JAKMIP2: variants seen among roughly 807,000 people sequenced by gnomAD.
JAKMIP2 encodes the protein janus kinase and microtubule interacting protein 2.
A neutral mutation model predicts 115.0 loss-of-function variants in JAKMIP2; 25 were observed. That is an observed-to-expected ratio of 0.22 (90% CI 0.16 to 0.30). JAKMIP2 has a LOEUF of 0.30. Among genes scored for constraint, JAKMIP2 ranks in the 10% least tolerant of loss-of-function variants. The pLI, the probability that JAKMIP2 is intolerant of heterozygous loss-of-function variation, is 1.00. For missense variants in JAKMIP2, 642 were observed against 957.6 expected, an observed-to-expected ratio of 0.67 and a Z score of 4.35; for synonymous variants, 334 against 343.6, an observed-to-expected ratio of 0.97 and a Z score of 0.31.
chr5:147,723,360 T>C (rs144889816), intron 1 of JAKMIP2, among the ~76,000 whole-genome samples: 1 of 152,148 alleles, frequency 6.6e-6, no homozygotes, highest in East Asian at 1.9e-4. Context: ...TAAGAAACAT[T>C]TGTATGATTA....
chr5:147,609,986 T>C (rs114042067), intron 20 of JAKMIP2, among the ~76,000 whole-genome samples: 3,389 of 152,332 alleles, frequency 0.022, 137 homozygotes, highest in African/African-American at 0.076. Context: ...CTATGGATAC[T>C]GCATGCTTCA....
intron 1 of JAKMIP2, among the ~76,000 whole-genome samples, chr5:147,764,991 GGAGAGA>G (rs71001457): frequency 2.7e-5 from 1 of 37,166 alleles, no homozygotes; most frequent in East Asian, 6.9e-4. Flanking sequence ...AGAGAGAGAG[GGAGAGA>G]GAGAGAGAGA....
chr5:147,643,919 T>C, intron 7 of JAKMIP2, 139 bp downstream of exon 7: 1 of 555,010 alleles, frequency 1.8e-6, no homozygotes, highest in Non-Finnish European at 3.0e-6. Flanking sequence ...TGGAATACAG[T>C]CTCTAGAACA....
chr5:147,766,666 T>G (rs758187932), intron 1 of JAKMIP2, among the ~76,000 whole-genome samples: 1 of 152,202 alleles, frequency 6.6e-6, no homozygotes. Context: ...CAGCAGTACA[T>G]GCCCTGAGAG....
intron 1 of JAKMIP2, among the ~76,000 whole-genome samples, chr5:147,757,222 C>A (rs1754774370): frequency 6.6e-6 from 1 of 151,956 alleles, no homozygotes; most frequent in Admixed American, 6.6e-5. Flanking sequence ...ATAGAGGTAG[C>A]CACTGGGACC....
chr5:147,612,235 T>C, intron 20 of JAKMIP2, 71 bp downstream of exon 20: 3 of 1,040,232 alleles, frequency 2.9e-6, no homozygotes, highest in Non-Finnish European at 4.5e-6. Context: ...AGGAAGAAAA[T>C]ACAGTGAGCA....
chr5:147,705,819 T>A (rs1752539110), intron 1 of JAKMIP2, among the ~76,000 whole-genome samples: 1 of 152,196 alleles, frequency 6.6e-6, no homozygotes, highest in Non-Finnish European at 1.5e-5. Context: ...AAAACTATAG[T>A]TCTATTTTTT....
chr5:147,619,299 G>A (rs6880281), intron 18 of JAKMIP2, among the ~76,000 whole-genome samples: 7,726 of 152,086 alleles, frequency 0.051, 634 homozygotes, highest in African/African-American at 0.17. Flanking sequence ...ACTTAATTTC[G>A]TATAGGTAGA....
intron 1 of JAKMIP2, among the ~76,000 whole-genome samples, chr5:147,680,288 G>A (rs1177560842): frequency 6.6e-6 from 1 of 152,184 alleles, no homozygotes; most frequent in Non-Finnish European, 1.5e-5. Context: ...AAAGCACAGA[G>A]ATCCCTGAAG....
intron 1 of JAKMIP2, among the ~76,000 whole-genome samples, chr5:147,720,099 T>G (rs1294809237): frequency 6.6e-6 from 1 of 152,210 alleles, no homozygotes; most frequent in African/African-American, 2.4e-5. Context: ...ATTTCTCCTT[T>G]GCTTATGAAG....
intron 14 of JAKMIP2, among the ~76,000 whole-genome samples, chr5:147,631,194 T>C (rs1429631306): frequency 6.6e-6 from 1 of 152,230 alleles, no homozygotes; most frequent in Non-Finnish European, 1.5e-5. Context: ...TAATCATGGA[T>C]GCCTCTGTTT....
At chr5:147,604,828 T>C (rs1755909225) in intron 20 of JAKMIP2, among the ~76,000 whole-genome samples, 1 of 149,290 alleles carries the variant, frequency 6.7e-6, no homozygotes, top group African/African-American at 2.5e-5. Flanking sequence ...ATTATTATTA[T>C]TATTATTATT....
chr5:147,612,838 A>T (rs1257991785), intron 19 of JAKMIP2, among the ~76,000 whole-genome samples: 1 of 152,240 alleles, frequency 6.6e-6, no homozygotes, highest in Non-Finnish European at 1.5e-5. Flanking sequence ...TTGTTACCAC[A>T]TTAAAGATGG....
chr5:147,598,315 C>T (rs1437821521), intron 21 of JAKMIP2, among the ~76,000 whole-genome samples: 1 of 152,118 alleles, frequency 6.6e-6, no homozygotes, highest in East Asian at 1.9e-4. Flanking sequence ...CTGATTTGAA[C>T]AGAGCCATGT....
Position 147,601,726 on chromosome 5 carries a change from TA to T in JAKMIP2, c.*20+14del. 6.6e-7 allele frequency: 1 copy of T among 1,505,348 alleles called. No homozygotes were observed. The highest frequency in any genetic ancestry group is 2.3e-5 in the Admixed American group (1 of 43,038). 93.2% of individuals were successfully genotyped at this position (1,505,348 alleles called of 1,614,324 possible). On this transcript the variant is annotated intron_variant, in intron 21 of 21. Coordinates refer to ENST00000616793, the MANE Select transcript of JAKMIP2 (RefSeq NM_001270941.2). ...CCTCTTAGAACCACATTTTGAGAAT[TA>T]AATGGAATCTTACCTTTAAGAGGCA...
chr5:147,664,308 C>T (rs1301686488), intron 2 of JAKMIP2, among the ~76,000 whole-genome samples: 1 of 152,134 alleles, frequency 6.6e-6, no homozygotes, highest in African/African-American at 2.4e-5. Flanking sequence ...TGCTCAAAAC[C>T]ACCCAGGCTC....
At chr5:147,609,598 G>A (rs1334530123) in intron 20 of JAKMIP2, among the ~76,000 whole-genome samples, 2 of 152,262 alleles carry the variant, frequency 1.3e-5, no homozygotes, top group African/African-American at 4.8e-5. Flanking sequence ...CTCTCTGGCT[G>A]TGCTTAACAT....
At chr5:147,738,143 G>A (rs1370084822) in intron 1 of JAKMIP2, among the ~76,000 whole-genome samples, 2 of 152,116 alleles carry the variant, frequency 1.3e-5, no homozygotes, top group East Asian at 1.9e-4. Flanking sequence ...TACACAGCAC[G>A]AAGCAAAGAG....
At position 147,636,946 on chromosome 5, in the gene JAKMIP2, C is replaced by G; in HGVS notation, c.1614+19G>C. 1.1e-6 allele frequency: 1 copy of G among 872,846 alleles called. No homozygotes were observed. Among genetic ancestry groups the G allele is most frequent in the Admixed American group, 1.7e-5 (1 of 59,178 alleles). The allele number at this position is 872,846 out of a possible 1,614,324, so 54.1% of individuals were successfully genotyped here. ...TGAATTGTCTGCATCTGCAGAAGAG[C>G]TAGCAACCAAATGCCTACCTGCCCT... On this transcript the variant is annotated intron_variant, in intron 11 of 21. Coordinates refer to ENST00000616793, the MANE Select transcript of JAKMIP2 (RefSeq NM_001270941.2).
Sources: gnomAD v4.1 joint callset for allele counts (sites outside exome capture counted in the v4.1 genomes callset) on GRCh38, gnomAD v4.1.1 for gene constraint, MANE v1.5 for transcripts, NCBI Gene and HGNC (gene_info 2026-07-23, HGNC 2026-07-21) for gene names.